ITGB5: variants seen among roughly 807,000 people sequenced by gnomAD.
The protein encoded by ITGB5 is integrin subunit beta 5.
A neutral mutation model predicts 84.8 loss-of-function variants in ITGB5; 38 were observed. That is an observed-to-expected ratio of 0.45 (90% CI 0.35 to 0.59). The LOEUF (loss-of-function observed/expected upper bound fraction) is 0.59. ITGB5 is among the 20% of genes least tolerant of loss of function. The pLI is 0.01. For synonymous variants in ITGB5, 393 were observed against 414.4 expected (o/e 0.95, Z 0.63); for missense variants, 905 against 1,034.5 (o/e 0.87, Z 1.72).
At chr3:124,773,322 CTG>C (rs1449828277) in intron 11 of ITGB5, among the ~76,000 whole-genome samples, 4 of 152,212 alleles carry the variant, frequency 2.6e-5, no homozygotes, top group African/African-American at 9.7e-5. Context: ...AAGATGCACA[CTG>C]TATTCTCCTG....
chr3:124,798,485 T>G (rs2064267423), intron 9 of ITGB5, among the ~76,000 whole-genome samples: 1 of 152,164 alleles, frequency 6.6e-6, no homozygotes, highest in African/African-American at 2.4e-5. Context: ...AGTGGCACCA[T>G]CTCGGCTCAC....
intron 10 of ITGB5, among the ~76,000 whole-genome samples, chr3:124,794,068 C>T (rs1339751777): frequency 1.3e-5 from 2 of 152,210 alleles, no homozygotes; most frequent in African/African-American, 4.8e-5. Context: ...TGCTTTCTTT[C>T]CCAGCTGATC....
intron 10 of ITGB5, among the ~76,000 whole-genome samples, chr3:124,781,953 G>A (rs1161465961): frequency 2.0e-5 from 3 of 152,180 alleles, no homozygotes; most frequent in Non-Finnish European, 4.4e-5. Flanking sequence ...GAGGAATAGT[G>A]CCTTGTCTAT....
At chr3:124,842,290 C>T (rs79062473) in intron 4 of ITGB5, among the ~76,000 whole-genome samples, 1 of 152,354 alleles carries the variant, frequency 6.6e-6, no homozygotes, top group East Asian at 1.9e-4. Context: ...AAGCCTTTCT[C>T]CTGAAATATG....
chr3:124,767,642 T>C (rs1265788343), intron 12 of ITGB5, among the ~76,000 whole-genome samples: 1 of 152,032 alleles, frequency 6.6e-6, no homozygotes, highest in African/African-American at 2.4e-5. Flanking sequence ...AGCTGCAAGA[T>C]AGAAGCAGGG....
chr3:124,847,525 ATG>A (rs768262155), intron 4 of ITGB5, among the ~76,000 whole-genome samples: 2 of 152,192 alleles, frequency 1.3e-5, no homozygotes, highest in Non-Finnish European at 2.9e-5. Flanking sequence ...GTCTAATAGC[ATG>A]TGGGAGCGGG....
intron 12 of ITGB5, among the ~76,000 whole-genome samples, chr3:124,767,782 TAAG>T (rs1214457210): frequency 2.6e-5 from 4 of 152,228 alleles, no homozygotes; most frequent in African/African-American, 4.8e-5. Context: ...GCTCAAATAT[TAAG>T]AAGGAGCTGG....
chr3:124,773,411 ACT>A (rs1328042909), intron 11 of ITGB5, among the ~76,000 whole-genome samples: 2 of 152,078 alleles, frequency 1.3e-5, no homozygotes, highest in African/African-American at 4.8e-5. Context: ...ATTTCATTTA[ACT>A]CTGTGATTTC....
chr3:124,859,105 A>C, intron 3 of ITGB5, 137 bp downstream of exon 3: 1 of 756,674 alleles, frequency 1.3e-6, no homozygotes, highest in Non-Finnish European at 2.2e-6. Context: ...CTGAGGTCTG[A>C]GCCTTGCCTC....
intron 10 of ITGB5, among the ~76,000 whole-genome samples, chr3:124,781,613 G>C (rs2064006929): frequency 6.6e-6 from 1 of 152,202 alleles, no homozygotes; most frequent in Non-Finnish European, 1.5e-5. Flanking sequence ...GGGCAAGAGA[G>C]AAGTTGCTCT....
intron 14 of ITGB5, 109 bp downstream of exon 14, chr3:124,764,282 G>A: frequency 1.7e-6 from 2 of 1,195,838 alleles, no homozygotes; most frequent in Non-Finnish European, 1.2e-6. Context: ...TGATTCTTTT[G>A]TTTTTAATGC....
intron 5 of ITGB5, among the ~76,000 whole-genome samples, chr3:124,823,038 A>G (rs532718143): frequency 7.0e-4 from 107 of 152,310 alleles, no homozygotes; most frequent in Non-Finnish European, 1.4e-3. Context: ...AGGTGAGAGG[A>G]CGGCATGAGG....
chr3:124,773,585 G>C, intron 11 of ITGB5, 105 bp downstream of exon 11: 2 of 951,822 alleles, frequency 2.1e-6, no homozygotes, highest in Non-Finnish European at 3.3e-6. Context: ...GGTGGGAGAT[G>C]CAGGAGGTGA....
At chr3:124,771,661 T>A (rs1184681084) in intron 11 of ITGB5, among the ~76,000 whole-genome samples, 1 of 148,340 alleles carries the variant, frequency 6.7e-6, no homozygotes, top group African/African-American at 2.5e-5. Flanking sequence ...GGCAGGAGGA[T>A]CACTTGAGCC....
At chr3:124,866,137 T>A (rs534474894) in intron 2 of ITGB5, among the ~76,000 whole-genome samples, 2 of 150,146 alleles carry the variant, frequency 1.3e-5, no homozygotes, top group Non-Finnish European at 3.0e-5. Context: ...CTGGGACTGC[T>A]ATGCCTGGCT....
chr3:124,823,256 C>T (rs191061453), intron 5 of ITGB5, among the ~76,000 whole-genome samples: 22 of 151,818 alleles, frequency 1.4e-4, no homozygotes, highest in Admixed American at 1.2e-3. Flanking sequence ...GAGCAAGATC[C>T]TGTCTGTAAA....
intron 5 of ITGB5, chr3:124,833,034 C>T (rs571267852): frequency 6.6e-6 from 1 of 152,336 alleles, no homozygotes; most frequent in Admixed American, 6.5e-5. Context: ...AAACAATATA[C>T]ACATTCTTTT....
At chr3:124,801,107 G>A (rs1296125674) in intron 9 of ITGB5, among the ~76,000 whole-genome samples, 1 of 152,204 alleles carries the variant, frequency 6.6e-6, no homozygotes, top group Non-Finnish European at 1.5e-5. Context: ...GCTGGGATGG[G>A]CACAGGCTAC....
Position 124,773,793 on chromosome 3 carries a change from G to A in ITGB5, c.1813C>T (p.Arg605Cys), listed in dbSNP as rs1467398756. 1.2e-6 allele frequency: 2 copies of A among 1,613,826 alleles called. No individual in the cohort carries two copies. Among genetic ancestry groups the A allele is most frequent in the Non-Finnish European group, 1.7e-6 (2 of 1,180,030 alleles). ...CACTGCCCACAGAGACAGTGCCCACGCTCGCTGCAGATCTGGCCATCTCTG... is the reference window on the plus strand; with the variant it reads ...CACTGCCCACAGAGACAGTGCCCACACTCGCTGCAGATCTGGCCATCTCTG... Reference protein sequence around the residue: ...RGRDGQICSERGHCLCGQCQC... With the variant: ...RGRDGQICSECGHCLCGQCQC... Residue 605 changes from arginine to cysteine, a missense_variant, in exon 11 of 15, where the codon CGT (arginine) becomes TGT (cysteine). Physicochemically the swap from Arg to Cys is radical, Grantham distance 180. This residue lies in a region of ITGB5 where 116 missense variants were observed against 177.0 expected (regional missense o/e 0.66). Transcript: ENST00000296181.
Sources: gnomAD v4.1 joint callset for allele counts (sites outside exome capture counted in the v4.1 genomes callset) on GRCh38, gnomAD v4.1.1 for gene constraint, gnomAD v4.1.1 regional missense constraint, MANE v1.5 for transcripts, NCBI Gene and HGNC (gene_info 2026-07-23, HGNC 2026-07-21) for gene names.